AKAIN1: variants seen among roughly 807,000 people sequenced by gnomAD.
AKAIN1 encodes the protein A-kinase anchor inhibitor 1.
AKAIN1 carries 3 observed loss-of-function variants against 3.7 expected under a neutral mutation model. The observed-to-expected ratio is 0.82, with a 90% CI of 0.37 to 2.12. AKAIN1 has a LOEUF of 2.12. Among genes scored for constraint, AKAIN1 ranks in the 30% most tolerant of loss-of-function variants. AKAIN1 has a pLI of 0.06. For missense variants in AKAIN1, 82 were observed against 82.7 expected, an observed-to-expected ratio of 0.99 and a Z score of 0.03; for synonymous variants, 31 against 30.8, an observed-to-expected ratio of 1.01 and a Z score of -0.02.
intron 1 of AKAIN1, 47 bp from the exon 2 acceptor site, chr18:5,145,802 C>G: frequency 6.7e-7 from 1 of 1,488,028 alleles, no homozygotes; most frequent in Non-Finnish European, 9.1e-7. Flanking sequence ...AAATTAATTT[C>G]AGGAATGTGA....
intron 1 of AKAIN1, among the ~76,000 whole-genome samples, chr18:5,164,196 A>C (rs947873051): frequency 2.6e-5 from 4 of 152,088 alleles, no homozygotes; most frequent in Non-Finnish European, 5.9e-5. Flanking sequence ...ATTTTATATA[A>C]AATTATGTTG....
chr18:5,155,155 A>G (rs2071100271), intron 1 of AKAIN1, among the ~76,000 whole-genome samples: 1 of 152,030 alleles, frequency 6.6e-6, no homozygotes, highest in African/African-American at 2.4e-5. Context: ...CAAAGTATTG[A>G]GATGACAGGC....
At chr18:5,192,810 G>A (rs1489582439) in intron 1 of AKAIN1, among the ~76,000 whole-genome samples, 1 of 151,862 alleles carries the variant, frequency 6.6e-6, no homozygotes, top group Non-Finnish European at 1.5e-5. Context: ...AAGGGGGAAC[G>A]GTTTGACTAC....
intron 1 of AKAIN1, among the ~76,000 whole-genome samples, chr18:5,167,814 C>G (rs1248345797): frequency 6.6e-6 from 1 of 152,074 alleles, no homozygotes; most frequent in Admixed American, 6.6e-5. Context: ...CTATGCCATT[C>G]TTTGCAGTAA....
intron 1 of AKAIN1, among the ~76,000 whole-genome samples, chr18:5,155,063 G>A (rs1163601849): frequency 1.3e-5 from 2 of 152,056 alleles, no homozygotes; most frequent in Non-Finnish European, 2.9e-5. Flanking sequence ...GGTATAACAA[G>A]ACCTGTCCCA....
intron 1 of AKAIN1, among the ~76,000 whole-genome samples, chr18:5,175,362 A>G (rs2071220144): frequency 6.6e-6 from 1 of 152,182 alleles, no homozygotes; most frequent in South Asian, 2.1e-4. Context: ...CATGCTTTCT[A>G]TTAGAACTAT....
Position 5,143,589 on chromosome 18 carries a change from A to C in AKAIN1, c.*1973T>G, listed in dbSNP as rs1418473397. 6.6e-6 allele frequency among the ~76,000 whole-genome samples: 1 copy of C among 152,222 alleles called. No individual in the cohort carries two copies. The highest frequency in any genetic ancestry group is 1.5e-5 in the Non-Finnish European group (1 of 68,042). Reference sequence around the variant, plus strand: ...CTGGTCATGATATCTAGGGGTTTGAAAATAGCCTTGGAAGTCTCATGGTTC... The same window carrying C: ...CTGGTCATGATATCTAGGGGTTTGACAATAGCCTTGGAAGTCTCATGGTTC... On this transcript the variant is annotated 3_prime_UTR_variant, in exon 2 of 2. Coordinates refer to ENST00000434239, the MANE Select transcript of AKAIN1 (RefSeq NM_001145194.2).
intron 1 of AKAIN1, among the ~76,000 whole-genome samples, chr18:5,190,723 G>C (rs1003236909): frequency 6.6e-6 from 1 of 152,174 alleles, no homozygotes; most frequent in African/African-American, 2.4e-5. Flanking sequence ...AACCAGTTCA[G>C]TTCCTGGTGT....
At chr18:5,190,072 C>T (rs2071310569) in intron 1 of AKAIN1, among the ~76,000 whole-genome samples, 1 of 152,054 alleles carries the variant, frequency 6.6e-6, no homozygotes, top group African/African-American at 2.4e-5. Flanking sequence ...CAAGGGTCAC[C>T]CCATGGTGGA....
intron 1 of AKAIN1, among the ~76,000 whole-genome samples, chr18:5,178,402 T>C (rs947471899): frequency 6.6e-6 from 1 of 152,026 alleles, no homozygotes; most frequent in East Asian, 1.9e-4. Context: ...AAGATCACTG[T>C]CAGTATCTAA....
At position 5,145,500 on chromosome 18, in the gene AKAIN1, T is replaced by C; in HGVS notation, c.*62A>G. Reference sequence around the variant, plus strand: ...TGCTTTACTGGCAACATTTTGGAGATGCGTCCTATACTAAGAGGAAGGCTA... The same window carrying C: ...TGCTTTACTGGCAACATTTTGGAGACGCGTCCTATACTAAGAGGAAGGCTA... On this transcript the variant is annotated 3_prime_UTR_variant, in exon 2 of 2. Coordinates refer to ENST00000434239, the MANE Select transcript of AKAIN1 (RefSeq NM_001145194.2). 3 of 1,376,862 alleles carry C rather than the reference T, an allele frequency of 2.2e-6. No individual in the cohort carries two copies. The highest frequency in any genetic ancestry group is 3.0e-6 in the Non-Finnish European group (3 of 1,008,596). 85.3% of individuals were successfully genotyped at this position (1,376,862 alleles called of 1,614,324 possible).
intron 1 of AKAIN1, among the ~76,000 whole-genome samples, chr18:5,193,392 T>G (rs2071332339): frequency 6.6e-6 from 1 of 152,194 alleles, no homozygotes; most frequent in Admixed American, 6.5e-5. Context: ...AAAGATAGAC[T>G]AATCCCTGAA....
At chr18:5,196,985 C>A (rs553453309) in intron 1 of AKAIN1, 53 bp downstream of exon 1, 2 of 1,479,624 alleles carry the variant, frequency 1.4e-6, no homozygotes, top group African/African-American at 2.8e-5. Context: ...CCTCTCCGTC[C>A]TCTACCCTGC....
intron 1 of AKAIN1, among the ~76,000 whole-genome samples, chr18:5,169,182 G>C (rs1277895666): frequency 6.6e-6 from 1 of 152,038 alleles, no homozygotes; most frequent in Non-Finnish European, 1.5e-5. Context: ...TCTTTATTGG[G>C]AAACCTCGGT....
At position 5,145,197 on chromosome 18, in the gene AKAIN1, C is replaced by G; in HGVS notation, c.*365G>C. On this transcript the variant is annotated 3_prime_UTR_variant, in exon 2 of 2. Transcript: ENST00000434239. ...CTCAGTACTGTATTCAGTATTTCAG[C>G]AAAAAGGCTGCTTGTTAAATTCACA... 1 of 183,478 alleles carries G rather than the reference C, an allele frequency of 5.5e-6. No homozygotes were observed. Among genetic ancestry groups the G allele is most frequent in the East Asian group, 1.4e-4 (1 of 7,354 alleles). The allele number at this position is 183,478 out of a possible 1,614,324, so 11.4% of individuals were successfully genotyped here. A position where few individuals can be genotyped will look rare whatever the true frequency, so the allele number is the denominator to read the frequency against.
intron 1 of AKAIN1, among the ~76,000 whole-genome samples, chr18:5,167,152 G>A (rs903046465): frequency 3.9e-5 from 6 of 152,066 alleles, no homozygotes; most frequent in African/African-American, 1.4e-4. Flanking sequence ...TTAGAAGCCT[G>A]ATACTTGATA....
At chr18:5,150,630 A>G (rs888136546) in intron 1 of AKAIN1, among the ~76,000 whole-genome samples, 6 of 152,076 alleles carry the variant, frequency 3.9e-5, no homozygotes, top group Admixed American at 2.6e-4. Context: ...CTGCTTCTCT[A>G]TGATCACCCA....
chr18:5,186,494 C>T (rs2071288142), intron 1 of AKAIN1, among the ~76,000 whole-genome samples: 2 of 151,980 alleles, frequency 1.3e-5, no homozygotes. Flanking sequence ...GAAGACATAA[C>T]AATCTCAAGT....
chr18:5,183,231 T>A (rs1002062693), intron 1 of AKAIN1, among the ~76,000 whole-genome samples: 2 of 152,000 alleles, frequency 1.3e-5, no homozygotes, highest in Non-Finnish European at 2.9e-5. Context: ...TAAGAGTACA[T>A]TGAGTAAACA....
Sources: allele counts gnomAD v4.1 joint callset (sites outside exome capture counted in the v4.1 genomes callset), GRCh38; gene constraint gnomAD v4.1.1; transcripts MANE v1.5; gene names NCBI Gene and HGNC (gene_info 2026-07-23, HGNC 2026-07-21).